The following NXPE4 variants were observed in gnomAD, a reference collection of about 807,000 sequenced individuals.
NXPE4 encodes the protein neurexophilin and PC-esterase domain family member 4.
Under a neutral mutation model 33.3 loss-of-function variants are expected in NXPE4, and 42 were observed. The observed-to-expected ratio is 1.26, with a 90% CI of 0.98 to 1.63. The LOEUF is 1.63. NXPE4 is among the 40% of genes most tolerant of loss of function. The pLI is 0.00. For synonymous variants in NXPE4, 253 were observed against 234.9 expected (o/e 1.08, Z -0.71); for missense variants, 709 against 647.6 (o/e 1.09, Z -1.03).
the NXPE4 span, among the ~76,000 whole-genome samples, chr11:114,662,636 C>A: frequency 6.6e-6 from 1 of 152,116 alleles, no homozygotes; most frequent in Non-Finnish European, 1.5e-5. Flanking sequence ...CCAAAAGAAA[C>A]CCCTTCCTTT....
rs1948868306 is a variant in NXPE4 at position 114,570,860 on chromosome 11, A to C, written c.*78T>G. 1 of 1,031,950 alleles carries C rather than the reference A, an allele frequency of 9.7e-7. No homozygotes were observed. Among genetic ancestry groups the C allele is most frequent in the Non-Finnish European group, 1.4e-6 (1 of 716,858 alleles). 63.9% of individuals were successfully genotyped at this position (1,031,950 alleles called of 1,614,324 possible). A position where few individuals can be genotyped will look rare whatever the true frequency, so the allele number is the denominator to read the frequency against. On this transcript the variant is annotated 3_prime_UTR_variant, in exon 6 of 6. Coordinates refer to ENST00000375478, the MANE Select transcript of NXPE4 (RefSeq NM_001077639.2). ...CTTGCTAGTTGGGAATTCAGAGCCAAACACAGCATCTGGCCTGCTAGTAGA... is the reference window on the plus strand; with the variant it reads ...CTTGCTAGTTGGGAATTCAGAGCCACACACAGCATCTGGCCTGCTAGTAGA...
At chr11:114,602,100 A>C in the NXPE4 span, among the ~76,000 whole-genome samples, 1 of 98,628 alleles carries the variant, frequency 1.0e-5, no homozygotes, top group East Asian at 3.1e-4. Flanking sequence ...TATAACATAT[A>C]TTATAATATA....
intron 5 of NXPE4, among the ~76,000 whole-genome samples, chr11:114,576,652 C>T (rs898103426): frequency 1.3e-5 from 2 of 151,950 alleles, no homozygotes; most frequent in Non-Finnish European, 2.9e-5. Flanking sequence ...GATACCACCT[C>T]AGTCCTGTAA....
At chr11:114,672,719 C>G in the NXPE4 span, among the ~76,000 whole-genome samples, 1 of 151,682 alleles carries the variant, frequency 6.6e-6, no homozygotes, top group Non-Finnish European at 1.5e-5. Flanking sequence ...TAATGAGGAA[C>G]GTTTTCTAAT....
chr11:114,611,634 C>T, the NXPE4 span, among the ~76,000 whole-genome samples: 2 of 151,790 alleles, frequency 1.3e-5, no homozygotes, highest in Admixed American at 6.6e-5. Context: ...AGTGTTACCT[C>T]GTGTGTAGCC....
chr11:114,592,194 A>C (rs780618431), intron 2 of NXPE4, among the ~76,000 whole-genome samples: 11 of 152,176 alleles, frequency 7.2e-5, no homozygotes, highest in Non-Finnish European at 1.0e-4. Flanking sequence ...CAGAGAAATA[A>C]ATAAAGGGCA....
At chr11:114,603,822 C>A in the NXPE4 span, among the ~76,000 whole-genome samples, 1 of 149,866 alleles carries the variant, frequency 6.7e-6, no homozygotes, top group African/African-American at 2.5e-5. Flanking sequence ...CTAGGTAACT[C>A]CTATTAACTG....
chr11:114,649,830 AT>A, the NXPE4 span, among the ~76,000 whole-genome samples: 5 of 152,190 alleles, frequency 3.3e-5, no homozygotes, highest in South Asian at 1.0e-3. Context: ...CCATGTTCAA[AT>A]ATGTACTTGA....
the NXPE4 span, among the ~76,000 whole-genome samples, chr11:114,621,749 T>C: frequency 6.6e-6 from 1 of 152,136 alleles, no homozygotes; most frequent in Non-Finnish European, 1.5e-5. Context: ...GGTTAACTGC[T>C]AGATAATAGG....
At chr11:114,643,158 C>T in the NXPE4 span, among the ~76,000 whole-genome samples, 2 of 151,812 alleles carry the variant, frequency 1.3e-5, no homozygotes, top group Non-Finnish European at 2.9e-5. Flanking sequence ...GGATATTAGC[C>T]CTTTGTCAGA....
the NXPE4 span, among the ~76,000 whole-genome samples, chr11:114,676,342 T>C: frequency 1.3e-5 from 2 of 151,790 alleles, no homozygotes; most frequent in Non-Finnish European, 2.9e-5. Flanking sequence ...GAAAAAACAT[T>C]TGCAAACCAT....
the NXPE4 span, among the ~76,000 whole-genome samples, chr11:114,640,141 AAT>A: frequency 8.9e-3 from 995 of 111,400 alleles, 13 homozygotes; most frequent in African/African-American, 0.034. Context: ...TATTATATAT[AAT>A]ATATGATATA....
At chr11:114,662,457 C>G in the NXPE4 span, among the ~76,000 whole-genome samples, 21 of 152,170 alleles carry the variant, frequency 1.4e-4, no homozygotes, top group African/African-American at 5.1e-4. Context: ...ACTTGAAAGA[C>G]AGTCTAGGCC....
the NXPE4 span, among the ~76,000 whole-genome samples, chr11:114,616,963 C>A: frequency 6.9e-6 from 1 of 144,220 alleles, no homozygotes; most frequent in Non-Finnish European, 1.5e-5. Flanking sequence ...CACTCTTACC[C>A]GGTTTATTAT....
At chr11:114,599,881 A>G (rs112627092), upstream of NXPE4, among the ~76,000 whole-genome samples, 3 of 152,288 alleles carry the variant, frequency 2.0e-5, no homozygotes, top group African/African-American at 7.2e-5. Context: ...AGATTTGGGC[A>G]GGGACACAGA....
chr11:114,592,872 A>G (rs1014268841), intron 2 of NXPE4, among the ~76,000 whole-genome samples: 3 of 152,156 alleles, frequency 2.0e-5, no homozygotes, highest in Non-Finnish European at 4.4e-5. Context: ...ATGAATCCAC[A>G]TATTTACAGC....
At chr11:114,581,613 A>G in intron 4 of NXPE4, 112 bp downstream of exon 4, 2 of 830,222 alleles carry the variant, frequency 2.4e-6, no homozygotes, top group South Asian at 3.2e-5. Context: ...TAGATAAGCC[A>G]GATGAACAGA....
At chr11:114,663,640 C>T in the NXPE4 span, among the ~76,000 whole-genome samples, 1 of 120,060 alleles carries the variant, frequency 8.3e-6, no homozygotes. Context: ...TATCTATCAT[C>T]TATCCATCTA....
chr11:114,630,884 A>C, the NXPE4 span, among the ~76,000 whole-genome samples: 2 of 151,902 alleles, frequency 1.3e-5, no homozygotes, highest in African/African-American at 4.8e-5. Context: ...GACACTTCTT[A>C]AAAGAAGACA....
Sources: allele counts gnomAD v4.1 joint callset (sites outside exome capture counted in the v4.1 genomes callset), GRCh38; gene constraint gnomAD v4.1.1; transcripts MANE v1.5; gene names NCBI Gene and HGNC (gene_info 2026-07-23, HGNC 2026-07-21).